Variants in PLCB4 observed in about 807,000 individuals in gnomAD.
PLCB4 encodes the protein 1-phosphatidylinositol 4,5-bisphosphate phosphodiesterase beta-4.
PLCB4 carries 77 observed loss-of-function variants against 178.8 expected under a neutral mutation model. That is an observed-to-expected ratio of 0.43 (90% confidence interval 0.36 to 0.52). The LOEUF is 0.52. Ranked by LOEUF, PLCB4 falls within the 20% of genes least tolerant of loss-of-function variation. PLCB4 has a pLI of 0.00. For synonymous variants in PLCB4, 496 were observed against 490.8 expected (o/e 1.01, Z -0.14); for missense variants, 1,024 against 1,453.4 (o/e 0.70, Z 4.80).
chr20:9,468,849 C>T (rs754519019), intron 36 of PLCB4, among the ~76,000 whole-genome samples, 177 bp downstream of exon 36: 4 of 152,156 alleles, frequency 2.6e-5, no homozygotes, highest in South Asian at 2.1e-4. Context: ...GTAGAACAAT[C>T]GTCCACATTT....
intron 2 of PLCB4, among the ~76,000 whole-genome samples, chr20:9,173,332 C>T (rs999125701): frequency 1.3e-5 from 2 of 152,158 alleles, no homozygotes; most frequent in Admixed American, 1.3e-4. Context: ...ACAGATTTAC[C>T]TCATCTCCTG....
chr20:9,444,717 G>A lies in PLCB4; in HGVS notation c.2880+474G>A, dbSNP rs111394996. Among the ~76,000 whole-genome samples the A allele has an allele frequency of 6.5e-3, 983 of 152,212 alleles. 15 individuals carry two copies. Among genetic ancestry groups the A allele is most frequent in the African/African-American group, 0.022 (929 of 41,512 alleles). The stretch of plus-strand genomic sequence containing the variant: ...GCAGAGGTTGCAGTGAGCTGAGATC[G>A]TGCCATTGCATTCCAGTGTAGGTGA... On this transcript the variant is annotated intron_variant, in intron 32 of 39. Coordinates refer to ENST00000378473, the MANE Select transcript of PLCB4 (RefSeq NM_001377142.1).
At chr20:9,070,294 A>G (rs2089501616) in intron 1 of PLCB4, among the ~76,000 whole-genome samples, 1 of 152,216 alleles carries the variant, frequency 6.6e-6, no homozygotes, top group African/African-American at 2.4e-5. Context: ...GTTTTTCAGA[A>G]TAGAAAAATT....
intron 7 of PLCB4, among the ~76,000 whole-genome samples, chr20:9,343,535 A>G (rs897795496): frequency 7.2e-5 from 11 of 152,204 alleles, no homozygotes; most frequent in African/African-American, 2.7e-4. Flanking sequence ...GACTCTGAAA[A>G]TATGATTGTG....
chr20:9,236,555 T>A (rs2093995467), intron 3 of PLCB4, among the ~76,000 whole-genome samples: 1 of 152,156 alleles, frequency 6.6e-6, no homozygotes, highest in Admixed American at 6.5e-5. Flanking sequence ...CTTTCGTGTG[T>A]GTGTCTGTAG....
At chr20:9,095,141 A>G (rs1388275650) in intron 1 of PLCB4, among the ~76,000 whole-genome samples, 1 of 152,210 alleles carries the variant, frequency 6.6e-6, no homozygotes, top group Non-Finnish European at 1.5e-5. Context: ...ATTTGCAGAC[A>G]TGGACATGGT....
chr20:9,361,830 T>A (rs1228595707), intron 7 of PLCB4, among the ~76,000 whole-genome samples: 1 of 152,196 alleles, frequency 6.6e-6, no homozygotes. Flanking sequence ...ATGGAAATTA[T>A]CTGCACTGTC....
chr20:9,355,207 T>A lies in PLCB4; in HGVS notation c.370-7689T>A, dbSNP rs533493048. Among the ~76,000 whole-genome samples the A allele has an allele frequency of 1.6e-4, 25 of 152,328 alleles. No homozygotes were observed. In the East Asian group the frequency reaches 4.8e-3, roughly 29 times the overall value. On this transcript the variant is annotated intron_variant, in intron 7 of 39. Transcript: ENST00000378473. ...TGCCCTCAAAGTTAAATACTGACAATTTAATGCCAACTAAACCTTCTCCTA... is the reference window on the plus strand; with the variant it reads ...TGCCCTCAAAGTTAAATACTGACAAATTAATGCCAACTAAACCTTCTCCTA...
intron 2 of PLCB4, among the ~76,000 whole-genome samples, chr20:9,169,659 ACT>A (rs1481353320): frequency 6.6e-6 from 1 of 151,924 alleles, no homozygotes; most frequent in African/African-American, 2.4e-5. Context: ...TGTGAATTGA[ACT>A]CCTGAAGGGA....
At chr20:9,263,797 GT>G (rs936420967) in intron 3 of PLCB4, among the ~76,000 whole-genome samples, 1 of 152,172 alleles carries the variant, frequency 6.6e-6, no homozygotes, top group Non-Finnish European at 1.5e-5. Context: ...GAGAAAGATA[GT>G]TTTTGTGTCC....
chr20:9,434,512 A>C (rs1472119057), intron 28 of PLCB4, among the ~76,000 whole-genome samples: 1 of 152,106 alleles, frequency 6.6e-6, no homozygotes, highest in Non-Finnish European at 1.5e-5. Flanking sequence ...AGTAGCTGAG[A>C]TTACAGGCAT....
chr20:9,071,555 T>C, intron 1 of PLCB4, among the ~76,000 whole-genome samples: 1 of 152,214 alleles, frequency 6.6e-6, no homozygotes. Context: ...CTGAGTTTAG[T>C]GTCTGAATTT....
chr20:9,308,192 T>C (rs2094793048), intron 4 of PLCB4, among the ~76,000 whole-genome samples: 2 of 152,196 alleles, frequency 1.3e-5, no homozygotes, highest in African/African-American at 4.8e-5. Flanking sequence ...AGTTTACAGA[T>C]GGGTTTTATA....
chr20:9,072,725 T>G (rs2089633127), intron 1 of PLCB4, among the ~76,000 whole-genome samples: 1 of 152,228 alleles, frequency 6.6e-6, no homozygotes, highest in African/African-American at 2.4e-5. Context: ...TTTTTTATGC[T>G]GAAGGCGTAA....
chr20:9,270,109 A>C (rs1014441178), intron 3 of PLCB4, among the ~76,000 whole-genome samples: 3 of 152,134 alleles, frequency 2.0e-5, no homozygotes, highest in African/African-American at 7.2e-5. Flanking sequence ...TTTTGTATTC[A>C]AGAGAAACTA....
chr20:9,257,512 A>T (rs985163739), intron 3 of PLCB4, among the ~76,000 whole-genome samples: 1 of 152,216 alleles, frequency 6.6e-6, no homozygotes, highest in African/African-American at 2.4e-5. Context: ...CATCTGCTAT[A>T]ATTCTGAAAA....
chr20:9,436,723 C>T (rs1418507779), intron 29 of PLCB4, among the ~76,000 whole-genome samples: 1 of 152,218 alleles, frequency 6.6e-6, no homozygotes, highest in African/African-American at 2.4e-5. Flanking sequence ...CATTCCAGTG[C>T]ACACGTGGAT....
At chr20:9,255,404 C>T (rs529625042) in intron 3 of PLCB4, among the ~76,000 whole-genome samples, 1 of 152,110 alleles carries the variant, frequency 6.6e-6, no homozygotes, top group South Asian at 2.1e-4. Context: ...AAGAACTAGC[C>T]ATTGAGTTGA....
At chr20:9,469,164 A>C (rs1047568253) in intron 36 of PLCB4, among the ~76,000 whole-genome samples, 9 of 152,160 alleles carry the variant, frequency 5.9e-5, no homozygotes, top group Admixed American at 2.6e-4. Context: ...TATTTTTAGG[A>C]GAGATGGGGT....
Sources: allele counts gnomAD v4.1 joint callset (sites outside exome capture counted in the v4.1 genomes callset), GRCh38; gene constraint gnomAD v4.1.1; transcripts MANE v1.5; gene names NCBI Gene and HGNC (gene_info 2026-07-23, HGNC 2026-07-21).